The following RYR2 variants were observed in gnomAD, a reference collection of about 807,000 sequenced individuals.
The protein encoded by RYR2 is cardiac muscle ryanodine receptor-calcium release channel.
Under a neutral mutation model 601.1 loss-of-function variants are expected in RYR2, and 227 were observed. That is an observed-to-expected ratio of 0.38 (90% CI 0.34 to 0.42). RYR2 has a LOEUF of 0.42. RYR2 is among the 10% of genes least tolerant of loss of function. The pLI is 1.00. For missense variants in RYR2, 4,646 were observed against 6,156.5 expected (o/e 0.75, Z 8.21); for synonymous variants, 2,223 against 2,175.1 (o/e 1.02, Z -0.61).
intron 87 of RYR2, among the ~76,000 whole-genome samples, chr1:237,777,674 G>A: frequency 6.6e-6 from 1 of 152,178 alleles, no homozygotes; most frequent in East Asian, 1.9e-4. Context: ...TGCTACAGCG[G>A]ATCCACCCTA....
intron 29 of RYR2, among the ~76,000 whole-genome samples, chr1:237,578,238 G>T (rs576902337): frequency 1.6e-4 from 25 of 152,286 alleles, no homozygotes; most frequent in African/African-American, 5.8e-4. Flanking sequence ...CTGATAAGGT[G>T]AAGGGGGGTG....
intron 6 of RYR2, among the ~76,000 whole-genome samples, chr1:237,374,008 C>T (rs1258369068): frequency 6.6e-6 from 1 of 152,184 alleles, no homozygotes; most frequent in East Asian, 1.9e-4. Context: ...ACTTGTCTTC[C>T]TGTACTGACA....
At chr1:237,392,628 A>G (rs1702478736) in intron 10 of RYR2, among the ~76,000 whole-genome samples, 1 of 152,210 alleles carries the variant, frequency 6.6e-6, no homozygotes, top group Admixed American at 6.5e-5. Context: ...TTATGTGAAT[A>G]TAATAAAATA....
intron 2 of RYR2, among the ~76,000 whole-genome samples, chr1:237,271,606 G>A (rs142635102): frequency 1.3e-5 from 2 of 152,056 alleles, no homozygotes; most frequent in East Asian, 1.9e-4. Context: ...TATCAAAAAG[G>A]CATAGTTTTT....
intron 1 of RYR2, among the ~76,000 whole-genome samples, chr1:237,061,693 C>T (rs1662909451): frequency 6.6e-6 from 1 of 152,104 alleles, no homozygotes; most frequent in South Asian, 2.1e-4. Flanking sequence ...AATATCTTTT[C>T]CAACACTCTT....
chr1:237,403,605 T>C (rs1703586394), intron 10 of RYR2, among the ~76,000 whole-genome samples: 1 of 152,174 alleles, frequency 6.6e-6, no homozygotes, highest in Non-Finnish European at 1.5e-5. Context: ...TTTAAATTTT[T>C]TGTAAAGACA....
At chr1:237,292,558 C>T (rs1378706823) in intron 2 of RYR2, among the ~76,000 whole-genome samples, 1 of 152,082 alleles carries the variant, frequency 6.6e-6, no homozygotes, top group Non-Finnish European at 1.5e-5. Context: ...TGATGAAGTA[C>T]TCTGTCAGAA....
chr1:237,790,996 C>T (rs1658314287), intron 92 of RYR2, among the ~76,000 whole-genome samples: 1 of 152,030 alleles, frequency 6.6e-6, no homozygotes, highest in Admixed American at 6.5e-5. Flanking sequence ...AACTCAGGGC[C>T]TCTGCCCTTG....
intron 2 of RYR2, among the ~76,000 whole-genome samples, chr1:237,316,903 C>T (rs1357172537): frequency 6.6e-6 from 1 of 152,106 alleles, no homozygotes; most frequent in Admixed American, 6.6e-5. Context: ...CAACCACAAA[C>T]CAATTCACTG....
intron 97 of RYR2, among the ~76,000 whole-genome samples, chr1:237,799,511 T>TTTG (rs1438698064): frequency 3.4e-5 from 5 of 145,642 alleles, no homozygotes; most frequent in African/African-American, 1.4e-4. Context: ...ATAGTAACTG[T>TTTG]TTGTAAGTAA....
At chr1:237,263,542 C>T (rs1688743768) in intron 1 of RYR2, among the ~76,000 whole-genome samples, 1 of 152,180 alleles carries the variant, frequency 6.6e-6, no homozygotes, top group Non-Finnish European at 1.5e-5. Context: ...TATTAAATAT[C>T]AACCAGGAAA....
intron 2 of RYR2, among the ~76,000 whole-genome samples, chr1:237,283,551 G>C (rs1166152616): frequency 6.6e-6 from 1 of 152,048 alleles, no homozygotes. Flanking sequence ...TTTTTGACTG[G>C]ATTTCCTTAT....
chr1:237,529,909 GACTT>G (rs1388701323), intron 24 of RYR2, among the ~76,000 whole-genome samples: 1 of 152,028 alleles, frequency 6.6e-6, no homozygotes, highest in African/African-American at 2.4e-5. Flanking sequence ...GTTGGAGGGA[GACTT>G]ACTTTTCAGT....
chr1:237,545,620 T>C lies in RYR2; in HGVS notation c.2907-2811T>C, dbSNP rs562731767. 2.0e-5 allele frequency among the ~76,000 whole-genome samples: 3 copies of C among 152,190 alleles called. No homozygotes were observed. In the South Asian group the frequency reaches 6.2e-4, roughly 32 times the overall value. On this transcript the variant is annotated intron_variant, in intron 25 of 104. Coordinates refer to ENST00000366574, the MANE Select transcript of RYR2 (RefSeq NM_001035.3). The stretch of plus-strand genomic sequence containing the variant: ...AAGTAGTTGTGAGGAAGCAAGGAAG[T>C]ACAGAAGACTGGGCTCTTCATCATG...
chr1:237,241,288 T>C (rs751499767), intron 1 of RYR2, among the ~76,000 whole-genome samples: 2 of 152,220 alleles, frequency 1.3e-5, no homozygotes, highest in African/African-American at 2.4e-5. Context: ...TGAAACATGA[T>C]AAAACGTGTC....
chr1:237,426,061 T>C (rs546377288), intron 12 of RYR2, among the ~76,000 whole-genome samples: 5 of 151,262 alleles, frequency 3.3e-5, no homozygotes, highest in South Asian at 2.1e-4. Flanking sequence ...CATATATTCA[T>C]ATATATATAT....
intron 2 of RYR2, among the ~76,000 whole-genome samples, chr1:237,281,659 C>G (rs1356788982): frequency 1.3e-5 from 2 of 152,224 alleles, no homozygotes; most frequent in Admixed American, 1.3e-4. Context: ...TCAGTGCAGA[C>G]TCCCCCCAGA....
intron 3 of RYR2, among the ~76,000 whole-genome samples, chr1:237,339,490 T>TC (rs1176271162): frequency 1.3e-5 from 2 of 151,876 alleles, no homozygotes; most frequent in Non-Finnish European, 2.9e-5. Context: ...TAGTCCTCAT[T>TC]CCCCCCTAAG....
intron 79 of RYR2, among the ~76,000 whole-genome samples, chr1:237,735,960 C>G (rs1020228146): frequency 5.3e-5 from 8 of 152,136 alleles, no homozygotes; most frequent in African/African-American, 1.4e-4. Flanking sequence ...TTTATAGAAA[C>G]ATAAAACTGT....
Sources: allele counts gnomAD v4.1 joint callset (sites outside exome capture counted in the v4.1 genomes callset), GRCh38; gene constraint gnomAD v4.1.1; transcripts MANE v1.5; gene names NCBI Gene and HGNC (gene_info 2026-07-23, HGNC 2026-07-21).